The following PTPRD variants were observed in gnomAD, a reference collection of about 807,000 sequenced individuals.
PTPRD encodes protein tyrosine phosphatase receptor type D.
Under a neutral mutation model 214.5 loss-of-function variants are expected in PTPRD, and 34 were observed. That is an observed-to-expected ratio of 0.16 (90% CI 0.12 to 0.21). The LOEUF (loss-of-function observed/expected upper bound fraction) is 0.21. Ranked by LOEUF, PTPRD falls within the 10% of genes least tolerant of loss-of-function variation. The probability of loss-of-function intolerance (pLI) is 1.00; values close to 1 mark genes in which losing one functional copy is unlikely to be tolerated. For synonymous variants in PTPRD, 1,128 were observed against 845.7 expected (o/e 1.33, Z -5.79); for missense variants, 2,545 against 2,398.7 (o/e 1.06, Z -1.27).
intron 5 of PTPRD, among the ~76,000 whole-genome samples, chr9:9,834,178 C>T (rs535073921): frequency 2.2e-4 from 33 of 152,144 alleles, no homozygotes; most frequent in African/African-American, 6.3e-4. Flanking sequence ...TCACAATCCA[C>T]GTTCTTCTGC....
intron 11 of PTPRD, among the ~76,000 whole-genome samples, chr9:8,912,891 T>A (rs2098757739): frequency 6.6e-6 from 1 of 152,064 alleles, no homozygotes; most frequent in Non-Finnish European, 1.5e-5. Context: ...ATGTCCCTAT[T>A]TGAAGTCACT....
chr9:8,341,007 G>C lies in PTPRD; in HGVS notation c.5126+83C>G. The C allele has an allele frequency of 3.0e-6, 4 of 1,320,910 alleles. 1 individual carries two copies. The South Asian group carries it at 6.8e-5, about 22-fold the overall frequency. The allele number at this position is 1,320,910 out of a possible 1,614,324, so 81.8% of individuals were successfully genotyped here. A position where few individuals can be genotyped will look rare whatever the true frequency, so the allele number is the denominator to read the frequency against. The stretch of plus-strand genomic sequence containing the variant: ...TGCAGAAAGAAAATGTCTTTGAATG[G>C]AGATGAAATTTATTCTGGTTATTAA... On this transcript the variant is annotated intron_variant, in intron 41 of 45. Coordinates refer to ENST00000381196, the MANE Select transcript of PTPRD (RefSeq NM_002839.4).
chr9:9,748,152 G>A (rs2098477012), intron 6 of PTPRD, among the ~76,000 whole-genome samples: 1 of 152,088 alleles, frequency 6.6e-6, no homozygotes, highest in Non-Finnish European at 1.5e-5. Context: ...TAAAATAGTG[G>A]GTTGCTGTGT....
intron 12 of PTPRD, among the ~76,000 whole-genome samples, chr9:8,662,764 G>A (rs779066202): frequency 4.0e-5 from 6 of 151,858 alleles, no homozygotes; most frequent in Non-Finnish European, 7.4e-5. Context: ...CTTTTATCCC[G>A]TACTAAAATG....
intron 10 of PTPRD, among the ~76,000 whole-genome samples, chr9:9,168,556 A>T (rs1403785362): frequency 2.6e-5 from 4 of 152,166 alleles, no homozygotes; most frequent in Admixed American, 2.6e-4. Context: ...TGTTTAAAAT[A>T]CAGTTGAATA....
At chr9:9,900,788 C>T (rs2076228946) in intron 5 of PTPRD, among the ~76,000 whole-genome samples, 1 of 152,000 alleles carries the variant, frequency 6.6e-6, no homozygotes, top group African/African-American at 2.4e-5. Context: ...AGGCACGTGC[C>T]ACCACACCCA....
intron 11 of PTPRD, among the ~76,000 whole-genome samples, chr9:8,982,155 T>TA (rs2099315942): frequency 6.6e-6 from 1 of 151,948 alleles, no homozygotes. Context: ...AAGAGGAAAA[T>TA]ATTACTACAC....
intron 3 of PTPRD, among the ~76,000 whole-genome samples, chr9:10,256,826 C>T (rs2093320610): frequency 6.6e-6 from 1 of 152,086 alleles, no homozygotes; most frequent in Non-Finnish European, 1.5e-5. Flanking sequence ...TGGTGTTTCC[C>T]CTGCAAGGAA....
At chr9:8,794,075 G>C (rs893199085) in intron 11 of PTPRD, among the ~76,000 whole-genome samples, 2 of 152,198 alleles carry the variant, frequency 1.3e-5, no homozygotes, top group South Asian at 4.1e-4. Flanking sequence ...CAGTGCAGCA[G>C]CCTGAATCAA....
intron 4 of PTPRD, among the ~76,000 whole-genome samples, chr9:9,998,656 A>G (rs2096232720): frequency 6.6e-6 from 1 of 152,168 alleles, no homozygotes; most frequent in Non-Finnish European, 1.5e-5. Context: ...GGGGAGCTCT[A>G]AGCTAACAAA....
At chr9:10,115,910 T>C (rs1405850246) in intron 3 of PTPRD, among the ~76,000 whole-genome samples, 1 of 152,056 alleles carries the variant, frequency 6.6e-6, no homozygotes, top group East Asian at 1.9e-4. Context: ...AAAATCTCTT[T>C]TGGCATGTAT....
At chr9:10,506,448 G>A (rs1395853378) in intron 2 of PTPRD, among the ~76,000 whole-genome samples, 1 of 151,958 alleles carries the variant, frequency 6.6e-6, no homozygotes, top group Non-Finnish European at 1.5e-5. Context: ...ACTAATTTAT[G>A]TACATTTTAA....
intron 5 of PTPRD, among the ~76,000 whole-genome samples, chr9:9,898,949 G>A (rs1474347600): frequency 6.6e-6 from 1 of 152,026 alleles, no homozygotes; most frequent in African/African-American, 2.4e-5. Context: ...AAACAAAGCT[G>A]TCTTTATTCA....
At chr9:9,484,178 G>C (rs2095531859) in intron 8 of PTPRD, among the ~76,000 whole-genome samples, 2 of 151,456 alleles carry the variant, frequency 1.3e-5, no homozygotes, top group Admixed American at 1.3e-4. Context: ...ACATTTAAAA[G>C]TTCTATTGTA....
intron 39 of PTPRD, among the ~76,000 whole-genome samples, chr9:8,375,086 C>G (rs2082817466): frequency 6.6e-6 from 1 of 151,796 alleles, no homozygotes; most frequent in African/African-American, 2.4e-5. Context: ...GCAATATTTT[C>G]TCATATTTGA....
At chr9:8,398,767 T>C (rs999087158) in intron 36 of PTPRD, among the ~76,000 whole-genome samples, 3 of 152,178 alleles carry the variant, frequency 2.0e-5, no homozygotes, top group Admixed American at 2.0e-4. Context: ...GTGGACAGAC[T>C]GGGCCCTCAC....
At chr9:9,616,629 T>A (rs2094882548) in intron 7 of PTPRD, among the ~76,000 whole-genome samples, 1 of 152,040 alleles carries the variant, frequency 6.6e-6, no homozygotes, top group Non-Finnish European at 1.5e-5. Context: ...ACCCCAAAAC[T>A]CGTTGGGGCT....
At position 8,340,385 on chromosome 9, in the gene PTPRD, G is replaced by A. The variant is rs746535562; in HGVS notation, c.5211C>T (p.Ser1737=). The change falls in exon 42 of 46, where the codon TCC becomes TCT. Residue 1737 remains serine, a synonymous_variant. Transcript: ENST00000381196. ...GCTTGGTGAGCATCACAACTATGGT[G>A]GAATTGTGTTCCCAGAGCATCCGCC... ...DFWRMLWEHN[S]TIVVMLTKLR... The A allele has an allele frequency of 5.6e-6, 9 of 1,610,532 alleles. No homozygotes were observed. Among genetic ancestry groups the A allele is most frequent in the South Asian group, 1.1e-5 (1 of 90,692 alleles).
At chr9:8,820,570 T>C (rs1336293802) in intron 11 of PTPRD, among the ~76,000 whole-genome samples, 1 of 152,218 alleles carries the variant, frequency 6.6e-6, no homozygotes, top group Admixed American at 6.5e-5. Flanking sequence ...AGGTTAAGGA[T>C]ACATTTTTAT....
Sources: gnomAD v4.1 joint callset for allele counts (sites outside exome capture counted in the v4.1 genomes callset) on GRCh38, gnomAD v4.1.1 for gene constraint, MANE v1.5 for transcripts, NCBI Gene and HGNC (gene_info 2026-07-23, HGNC 2026-07-21) for gene names.